Variants in PHF13 observed in about 807,000 individuals in gnomAD.
The protein encoded by PHF13 is PHD zinc finger protein PHF5.
PHF13 carries 1 observed loss-of-function variant against 25.8 expected under a neutral mutation model. The observed-to-expected ratio is 0.04, with a 90% CI of 0.01 to 0.18. The LOEUF (loss-of-function observed/expected upper bound fraction) is 0.18. PHF13 is among the 10% of genes least tolerant of loss of function. The probability of loss-of-function intolerance (pLI) is 1.00; values close to 1 mark genes in which losing one functional copy is unlikely to be tolerated. For synonymous variants in PHF13, 195 were observed against 162.4 expected (o/e 1.20, Z -1.53); for missense variants, 306 against 403.2 (o/e 0.76, Z 2.06).
In PHF13 at chr1:6,620,166, T is replaced by C; in HGVS notation, c.505T>C (p.Ser169Pro). 4 of 1,613,854 alleles carry C rather than the reference T, an allele frequency of 2.5e-6. No homozygotes were observed. Among genetic ancestry groups the C allele is most frequent in the Non-Finnish European group, 3.4e-6 (4 of 1,180,018 alleles). Residue 169 changes from serine (S) to proline (P), a missense_variant, in exon 3 of 4, where the codon TCG becomes CCG. Transcript: ENST00000377648. Reference sequence around the variant, plus strand: ...CCCCCAGGCTCCCAGCGACCCCTGCTCGGGCTGGGACTCCGATACTCCCTC... The same window carrying C: ...CCCCCAGGCTCCCAGCGACCCCTGCCCGGGCTGGGACTCCGATACTCCCTC... ...DIPQAPSDPC[S>P]GWDSDTPSSG...
rs1331463331 is a variant in PHF13, at chr1:6,622,688, T to C, written c.*1051T>C. 2.0e-5 allele frequency: 3 copies of C among 152,212 alleles called. No individual in the cohort carries two copies. Among genetic ancestry groups the C allele is most frequent in the East Asian group, 1.9e-4 (1 of 5,168 alleles). 9.4% of individuals were successfully genotyped at this position (152,212 alleles called of 1,614,324 possible). A position where few individuals can be genotyped will look rare whatever the true frequency, so the allele number is the denominator to read the frequency against. On this transcript the variant is annotated 3_prime_UTR_variant, in exon 4 of 4. Coordinates refer to ENST00000377648, the MANE Select transcript of PHF13 (RefSeq NM_153812.3). ...AGGGTACAGTTAGGACTTGAGTCTT[T>C]CTTTTTCTGTTTTGAGTTGGTGAGT...
intron 1 of PHF13, 33 bp downstream of exon 1, chr1:6,614,138 A>G (rs753591302): frequency 9.2e-6 from 14 of 1,516,758 alleles, no homozygotes; most frequent in Middle Eastern, 3.6e-4. Flanking sequence ...ATCGCCCCCG[A>G]CCACCCCCTC....
chr1:6,621,244 C>T lies in PHF13; in HGVS notation c.677-167C>T, dbSNP rs981635690. The stretch of plus-strand genomic sequence containing the variant: ...AGCATCTCCTGGGTAATACCTGGTT[C>T]CCACACATTTTGGAGCCCCTCGTGC... On this transcript the variant is annotated intron_variant, in intron 3 of 3. Coordinates refer to ENST00000377648, the MANE Select transcript of PHF13 (RefSeq NM_153812.3). The surrounding 1 kb of genome is among the most constrained non-coding windows in gnomAD (Gnocchi z 4.8). Among the ~76,000 whole-genome samples, 3 of 151,788 alleles carry T rather than the reference C, an allele frequency of 2.0e-5. No individual in the cohort carries two copies. Among genetic ancestry groups the T allele is most frequent in the Admixed American group, 6.6e-5 (1 of 15,210 alleles).
At chr1:6,615,681 G>T (rs1266156517) in intron 1 of PHF13, among the ~76,000 whole-genome samples, 1 of 152,162 alleles carries the variant, frequency 6.6e-6, no homozygotes, top group African/African-American at 2.4e-5. Context: ...ACAGCAATAC[G>T]GCACACTTGT....
At chr1:6,619,733 G>T in intron 2 of PHF13, 70 bp from the exon 3 acceptor site, 1 of 1,475,148 alleles carries the variant, frequency 6.8e-7, no homozygotes, top group South Asian at 1.3e-5. Flanking sequence ...TGGCTGGGTG[G>T]CTGGGGATGC....
Position 6,616,738 on chromosome 1 carries a change from T to G in PHF13, c.40-19T>G, listed in dbSNP as rs1557445116. On this transcript the variant is annotated intron_variant, in intron 1 of 3. Transcript: ENST00000377648. Reference sequence around the variant, plus strand: ...AAGCCTCTCCTTCAAACACATTCCCTTTTCTCTCCCCTTAATAGGAATACT... The same window carrying G: ...AAGCCTCTCCTTCAAACACATTCCCGTTTCTCTCCCCTTAATAGGAATACT... 2.5e-6 allele frequency: 4 copies of G among 1,603,862 alleles called. No individual in the cohort carries two copies. The highest frequency in any genetic ancestry group is 1.3e-5 in the African/African-American group (1 of 74,710).
In PHF13 at chr1:6,620,904, C is replaced by T. The variant is rs143961424; in HGVS notation, c.677-507C>T. 1.0e-2 allele frequency among the ~76,000 whole-genome samples: 1,514 copies of T among 151,650 alleles called. 28 individuals are homozygous for T. The highest frequency in any genetic ancestry group is 0.034 in the African/African-American group (1,420 of 41,326). On this transcript the variant is annotated intron_variant, in intron 3 of 3. Coordinates refer to ENST00000377648, the MANE Select transcript of PHF13 (RefSeq NM_153812.3). ...AAAATTAGCTGGGCGTGGTGGTGCG[C>T]GCCTGCAATTCCAGCTACTCAGGAG... is the stretch of plus-strand genomic sequence containing the variant.
At chr1:6,615,749 C>CT (rs942851316) in intron 1 of PHF13, among the ~76,000 whole-genome samples, 3 of 152,326 alleles carry the variant, frequency 2.0e-5, no homozygotes, top group Non-Finnish European at 4.4e-5. Flanking sequence ...GAGAAAATAT[C>CT]TTTTTGTGAT....
Position 6,620,213 on chromosome 1 carries a change from G to T in PHF13, c.552G>T (p.Val184=), listed in dbSNP as rs540732685. 4.3e-6 allele frequency: 7 copies of T among 1,614,002 alleles called. No homozygotes were observed. Among genetic ancestry groups the T allele is most frequent in the Non-Finnish European group, 5.9e-6 (7 of 1,180,024 alleles). ...CCTCGAGTGGATCTTGTGCCACTGTGTCACCTGATCAGGTCAAAGAAATAA... is the reference window on the plus strand; with the variant it reads ...CCTCGAGTGGATCTTGTGCCACTGTTTCACCTGATCAGGTCAAAGAAATAA... ...DTPSSGSCAT[V]SPDQVKEIKT... The change falls in exon 3 of 4, where the codon GTG becomes GTT. Residue 184 remains valine, a synonymous_variant. Transcript: ENST00000377648.
At chr1:6,614,623 C>A (rs953178997) in intron 1 of PHF13, 2 of 151,236 alleles carry the variant, frequency 1.3e-5, no homozygotes, top group African/African-American at 4.9e-5. Context: ...CGCGCGGGGC[C>A]CAGTCGGCCC....
rs1441084727 is a variant in PHF13 at position 6,619,979 on chromosome 1, C to G, written c.318C>G (p.Phe106Leu). The G allele has an allele frequency of 1.9e-6, 3 of 1,613,888 alleles. No individual in the cohort carries two copies. The highest frequency in any genetic ancestry group is 2.2e-5 in the South Asian group (2 of 91,078). Residue 106 changes from phenylalanine (F) to leucine (L), a missense_variant, in exon 3 of 4, where the codon TTC becomes TTG. By Grantham distance (22) the Phe-to-Leu change is conservative. This residue lies in a region of PHF13 where 186 missense variants were observed against 164.0 expected (regional missense o/e 1.13). Transcript: ENST00000377648. Reference sequence around the variant, plus strand: ...TGCAGCGAGCCAAGCCCAGTAACTTCCTGCTGGACAGAAAGAAAACGGACA... The same window carrying G: ...TGCAGCGAGCCAAGCCCAGTAACTTGCTGCTGGACAGAAAGAAAACGGACA... ...TLLQRAKPSN[F>L]LLDRKKTDKL...
chr1:6,617,412 A>G (rs909622905), intron 2 of PHF13, among the ~76,000 whole-genome samples: 1 of 148,394 alleles, frequency 6.7e-6, no homozygotes, highest in Admixed American at 6.8e-5. Flanking sequence ...TTTATTTACA[A>G]ATAAAATATG....
intron 2 of PHF13, among the ~76,000 whole-genome samples, chr1:6,618,613 A>G (rs988277011): frequency 2.0e-5 from 3 of 152,154 alleles, no homozygotes; most frequent in South Asian, 2.1e-4. Context: ...TCCATCTGCT[A>G]CATAGGTGGC....
chr1:6,616,072 CG>C (rs1641256479), intron 1 of PHF13, among the ~76,000 whole-genome samples: 1 of 140,540 alleles, frequency 7.1e-6, no homozygotes, highest in Non-Finnish European at 1.5e-5. Flanking sequence ...CTCTGTCTAC[CG>C]GGCTGGAGTG....
rs1276478549 is a variant in PHF13 at position 6,616,873 on chromosome 1, TTC to T, written c.141+17_141+18del. On this transcript the variant is annotated intron_variant, in intron 2 of 3. Coordinates refer to ENST00000377648, the MANE Select transcript of PHF13 (RefSeq NM_153812.3). ...ATCCGAAGGAGGTAATCTTCTGAGT[TTC>T]TGAGACCTTTCTTGATGAGTAGTCA... 1 of 1,606,970 alleles carries T rather than the reference TTC, an allele frequency of 6.2e-7. No individual in the cohort carries two copies. The highest frequency in any genetic ancestry group is 1.1e-5 in the South Asian group (1 of 90,906).
chr1:6,620,864 A>G (rs569418916), intron 3 of PHF13, among the ~76,000 whole-genome samples: 2 of 135,834 alleles, frequency 1.5e-5, no homozygotes, highest in East Asian at 2.0e-4. Flanking sequence ...CTAAAGATAC[A>G]AAAAAAAAAA....
At position 6,613,944 on chromosome 1, in the gene PHF13, G is replaced by A. The variant is rs1209748140; in HGVS notation, c.-123G>A. The A allele has an allele frequency of 6.7e-6, 4 of 598,450 alleles. No homozygotes were observed. Among genetic ancestry groups the A allele is most frequent in the Non-Finnish European group, 1.1e-5 (4 of 351,536 alleles). The allele number at this position is 598,450 out of a possible 1,614,324, so 37.1% of individuals were successfully genotyped here. Reference sequence around the variant, plus strand: ...CTGAGCCCCCCATCACCTCCAGCCCGGGCGACCCCTCCCGGGTCCGCCCTC... The same window carrying A: ...CTGAGCCCCCCATCACCTCCAGCCCAGGCGACCCCTCCCGGGTCCGCCCTC... On this transcript the variant is annotated 5_prime_UTR_variant, in exon 1 of 4. Coordinates refer to ENST00000377648, the MANE Select transcript of PHF13 (RefSeq NM_153812.3).
chr1:6,617,432 C>T (rs1211805598), intron 2 of PHF13, among the ~76,000 whole-genome samples: 3 of 150,214 alleles, frequency 2.0e-5, no homozygotes, highest in Non-Finnish European at 3.0e-5. Context: ...GTGATATTTG[C>T]TTGCTCTTTT....
intron 1 of PHF13, among the ~76,000 whole-genome samples, chr1:6,615,107 CATCTGCTTTCCGAGGAGG>C (rs1433017347): frequency 2.7e-5 from 4 of 148,526 alleles, no homozygotes; most frequent in Non-Finnish European, 6.0e-5. Flanking sequence ...GCCGCTCCGC[CATCTGCTTTCCGAGGAGG>C]CGGCCGGGGG....
Sources: allele counts gnomAD v4.1 joint callset (sites outside exome capture counted in the v4.1 genomes callset), GRCh38; gene constraint gnomAD v4.1.1; regional missense constraint gnomAD v4.1.1; non-coding constraint Gnocchi (gnomAD v3.1); transcripts MANE v1.5; gene names NCBI Gene and HGNC (gene_info 2026-07-23, HGNC 2026-07-21).